PSMG2: variants seen among roughly 807,000 people sequenced by gnomAD.
PSMG2 encodes proteasome assembly chaperone 2.
Under a neutral mutation model 31.5 loss-of-function variants are expected in PSMG2, and 21 were observed. That is an observed-to-expected ratio of 0.67 (90% CI 0.47 to 0.96). PSMG2 has a LOEUF of 0.96. PSMG2 is among the 40% of genes least tolerant of loss of function. PSMG2 has a pLI of 0.00. For missense variants in PSMG2, 318 were observed against 321.2 expected (o/e 0.99, Z 0.08); for synonymous variants, 120 against 110.4 (o/e 1.09, Z -0.54).
rs1568044417 is a variant in PSMG2, at chr18:12,718,471, G to C, written c.289-46G>C. Reference sequence around the variant, plus strand: ...TATATAGAATGTTTGTATGCTCTAAGACTAACTTTTAGATTTTCTTTTTAT... The same window carrying C: ...TATATAGAATGTTTGTATGCTCTAACACTAACTTTTAGATTTTCTTTTTAT... On this transcript the variant is annotated intron_variant, in intron 3 of 6. Transcript: ENST00000317615. 7 of 1,239,706 alleles carry C rather than the reference G, an allele frequency of 5.6e-6. No individual in the cohort carries two copies. The South Asian group carries it at 9.8e-5, about 17-fold the overall frequency. 76.8% of individuals were successfully genotyped at this position (1,239,706 alleles called of 1,614,324 possible). A position where few individuals can be genotyped will look rare whatever the true frequency, so the allele number is the denominator to read the frequency against.
At position 12,712,851 on chromosome 18, in the gene PSMG2, T is replaced by A. The variant is rs2040344242; in HGVS notation, c.288+91T>A. On this transcript the variant is annotated intron_variant, in intron 3 of 6. Coordinates refer to ENST00000317615, the MANE Select transcript of PSMG2 (RefSeq NM_020232.5). ...ATTAAGATTCAAAAATTACTACTGT[T>A]TTTACCATATGTACAGTTAAGATCT... is the stretch of plus-strand genomic sequence containing the variant. The A allele has an allele frequency of 6.8e-5, 65 of 958,316 alleles. 1 individual carries two copies. The South Asian group carries it at 8.9e-4, about 13-fold the overall frequency. 59.4% of individuals were successfully genotyped at this position (958,316 alleles called of 1,614,324 possible). A position where few individuals can be genotyped will look rare whatever the true frequency, so the allele number is the denominator to read the frequency against.
At chr18:12,698,686 A>T, upstream of PSMG2, 1 of 279,492 alleles carries the variant, frequency 3.6e-6, no homozygotes, top group Non-Finnish European at 6.7e-6. Context: ...TTTCCACTAT[A>T]TCATCCCAGC....
At position 12,721,111 on chromosome 18, in the gene PSMG2, C is replaced by A. The variant is rs549881173; in HGVS notation, c.581+428C>A. Reference sequence around the variant, plus strand: ...AGGAGAATGGTGTGAACCCGAGAGGCGGAGTTTGCAGTGAGCCGAGATCGC... The same window carrying A: ...AGGAGAATGGTGTGAACCCGAGAGGAGGAGTTTGCAGTGAGCCGAGATCGC... On this transcript the variant is annotated intron_variant, in intron 5 of 6. Coordinates refer to ENST00000317615, the MANE Select transcript of PSMG2 (RefSeq NM_020232.5). Among the ~76,000 whole-genome samples, 20 of 145,766 alleles carry A rather than the reference C, an allele frequency of 1.4e-4. No homozygotes were observed. The South Asian group carries it at 4.3e-3, about 31-fold the overall frequency.
Position 12,686,029 on chromosome 18 carries a change from A to C in PSMG2, c.-36-20521A>C, listed in dbSNP as rs113826675. 8.6e-3 allele frequency: 3,250 copies of C among 379,908 alleles called. 110 individuals are homozygous for C. Among genetic ancestry groups the C allele is most frequent in the African/African-American group, 0.062 (2,990 of 48,346 alleles). 23.5% of individuals were successfully genotyped at this position (379,908 alleles called of 1,614,324 possible). On this transcript the variant is annotated intron_variant, in intron 1 of 6. Transcript: ENST00000585331. The stretch of plus-strand genomic sequence containing the variant: ...AAAATCTCAATACAATGTAAATGCT[A>C]CATAAACGTTGTTACACACCATTTT...
intron 2 of PSMG2, among the ~76,000 whole-genome samples, chr18:12,706,987 G>A (rs906601622): frequency 1.3e-5 from 2 of 151,666 alleles, no homozygotes; most frequent in Non-Finnish European, 2.9e-5. Flanking sequence ...ACGGAGTCTC[G>A]CTCTCTTGCC....
chr18:12,665,846 G>A (rs531509303), intron 1 of PSMG2, among the ~76,000 whole-genome samples: 4 of 152,166 alleles, frequency 2.6e-5, no homozygotes, highest in Admixed American at 1.3e-4. Flanking sequence ...TACAGATCAC[G>A]CCACCACACC....
chr18:12,711,946 G>T (rs1025205192), intron 2 of PSMG2, among the ~76,000 whole-genome samples: 2 of 151,808 alleles, frequency 1.3e-5, no homozygotes, highest in African/African-American at 4.8e-5. Flanking sequence ...GTAGAGACGG[G>T]GTTTCATTCA....
At chr18:12,699,935 A>C, upstream of PSMG2, 2 of 1,422,508 alleles carry the variant, frequency 1.4e-6, no homozygotes, top group Non-Finnish European at 1.9e-6. Context: ...AAATCAAAAC[A>C]AATTAGAAAA....
At chr18:12,663,269 A>G (rs2038735800) in intron 1 of PSMG2, among the ~76,000 whole-genome samples, 2 of 152,186 alleles carry the variant, frequency 1.3e-5, no homozygotes, top group African/African-American at 4.8e-5. Flanking sequence ...TTAAAAACAA[A>G]ATAAGGCCCA....
chr18:12,705,572 A>AGTGT (rs1341255881), intron 1 of PSMG2, among the ~76,000 whole-genome samples: 77 of 129,330 alleles, frequency 6.0e-4, no homozygotes, highest in African/African-American at 1.6e-3. Context: ...AGAGAGAGAG[A>AGTGT]GAGAGTGTGT....
intron 1 of PSMG2, chr18:12,691,343 A>G: frequency 6.6e-7 from 1 of 1,521,640 alleles, no homozygotes; most frequent in Non-Finnish European, 8.9e-7. Context: ...AAATTATTCT[A>G]ATATAATTTA....
upstream of PSMG2, chr18:12,698,882 T>C (rs1312502385): frequency 1.4e-5 from 12 of 848,348 alleles, no homozygotes; most frequent in Non-Finnish European, 2.2e-5. Context: ...TCCTCCATTA[T>C]AAATCTCTCC....
At chr18:12,675,828 C>T (rs999149746) in intron 1 of PSMG2, among the ~76,000 whole-genome samples, 2 of 151,912 alleles carry the variant, frequency 1.3e-5, no homozygotes, top group African/African-American at 2.4e-5. Flanking sequence ...GCCACCATGC[C>T]CGGCTAATTT....
At chr18:12,668,056 G>A (rs966470764) in intron 1 of PSMG2, among the ~76,000 whole-genome samples, 1 of 152,060 alleles carries the variant, frequency 6.6e-6, no homozygotes, top group African/African-American at 2.4e-5. Flanking sequence ...CCTGAGGTCA[G>A]GAGTTTGAAA....
rs926180122 is a variant in PSMG2 at position 12,676,067 on chromosome 18, A to C, written c.-37+17294A>C. Among the ~76,000 whole-genome samples, 25 of 152,230 alleles carry C rather than the reference A, an allele frequency of 1.6e-4. No homozygotes were observed. The South Asian group carries it at 1.7e-3, about 10-fold the overall frequency. ...ATACAAAAAATTCTCAAAATTCTAG[A>C]TATTTTGATTATCATAATGGATCTT... On this transcript the variant is annotated intron_variant, in intron 1 of 6. Coordinates refer to the PSMG2 transcript ENST00000585331.
At chr18:12,716,689 T>C (rs950413698) in intron 3 of PSMG2, among the ~76,000 whole-genome samples, 23 of 152,176 alleles carry the variant, frequency 1.5e-4, no homozygotes, top group Non-Finnish European at 2.6e-4. Context: ...CCACCGTGCC[T>C]GGCCACAAGA....
chr18:12,673,224 C>T, intron 1 of PSMG2: 8 of 1,359,466 alleles, frequency 5.9e-6, no homozygotes, highest in South Asian at 2.3e-5. Flanking sequence ...TAAACATTAC[C>T]AGTCAAGTAT....
intron 1 of PSMG2, chr18:12,691,339 T>G (rs563791614): frequency 1.3e-6 from 2 of 1,507,364 alleles, no homozygotes; most frequent in South Asian, 2.6e-5. Flanking sequence ...CATAAAATTA[T>G]TCTAATATAA....
chr18:12,673,094 G>A (rs1185092223), intron 1 of PSMG2: 5 of 1,022,316 alleles, frequency 4.9e-6, no homozygotes, highest in Non-Finnish European at 6.0e-6. Flanking sequence ...TTAAACTACT[G>A]ATAACTGTAA....
Sources: gnomAD v4.1 joint callset for allele counts (sites outside exome capture counted in the v4.1 genomes callset) on GRCh38, gnomAD v4.1.1 for gene constraint, MANE v1.5 for transcripts, NCBI Gene and HGNC (gene_info 2026-07-23, HGNC 2026-07-21) for gene names.